Variants in ASIC2 observed in about 807,000 individuals in gnomAD.
ASIC2 encodes acid-sensing ion channel 2.
ASIC2 carries 25 observed loss-of-function variants against 57.3 expected under a neutral mutation model. The observed-to-expected ratio is 0.44, with a 90% CI of 0.32 to 0.61. The LOEUF is 0.61. Ranked by LOEUF, ASIC2 falls within the 20% of genes least tolerant of loss-of-function variation. ASIC2 has a pLI of 0.06. For synonymous variants in ASIC2, 319 were observed against 307.5 expected, an observed-to-expected ratio of 1.04 and a Z score of -0.39; for missense variants, 641 against 738.1, an observed-to-expected ratio of 0.87 and a Z score of 1.52.
At chr17:33,423,609 C>G (rs916979344) in intron 1 of ASIC2, among the ~76,000 whole-genome samples, 5 of 152,216 alleles carry the variant, frequency 3.3e-5, no homozygotes, top group African/African-American at 1.2e-4. Flanking sequence ...TTAGCCCCTA[C>G]TCTACTGTGA....
intron 1 of ASIC2, among the ~76,000 whole-genome samples, chr17:33,876,070 G>T (rs1034718040): frequency 1.3e-5 from 2 of 152,170 alleles, no homozygotes; most frequent in African/African-American, 4.8e-5. Flanking sequence ...CAAAGTACTT[G>T]GGATCGAGAT....
intron 1 of ASIC2, among the ~76,000 whole-genome samples, chr17:33,521,672 G>A (rs1458260626): frequency 6.6e-6 from 1 of 152,176 alleles, no homozygotes; most frequent in Non-Finnish European, 1.5e-5. Flanking sequence ...TCTACAGTGC[G>A]GGTGGATTTG....
At chr17:33,956,238 AAG>A (rs1438256564) in intron 1 of ASIC2, among the ~76,000 whole-genome samples, 4 of 152,218 alleles carry the variant, frequency 2.6e-5, no homozygotes, top group African/African-American at 9.6e-5. Flanking sequence ...GCTCTTGAAG[AAG>A]AGTTTCCACC....
intron 1 of ASIC2, among the ~76,000 whole-genome samples, chr17:34,108,270 T>C (rs749606580): frequency 5.5e-4 from 83 of 152,154 alleles, no homozygotes; most frequent in Non-Finnish European, 1.1e-3. Context: ...CCACAATAAA[T>C]ATCCTGTTCA....
intron 1 of ASIC2, among the ~76,000 whole-genome samples, chr17:33,633,768 G>A (rs1906253967): frequency 1.3e-5 from 2 of 152,196 alleles, no homozygotes; most frequent in South Asian, 4.1e-4. Flanking sequence ...AGGCAGGAAA[G>A]GGTCGGTGGC....
intron 1 of ASIC2, among the ~76,000 whole-genome samples, chr17:34,099,269 AAG>A (rs1170003367): frequency 1.4e-5 from 2 of 148,034 alleles, no homozygotes; most frequent in South Asian, 2.1e-4. Context: ...AAAAGAAAGA[AAG>A]AGGAAAGAAA....
At chr17:33,113,230 C>T (rs796625800) in intron 1 of ASIC2, among the ~76,000 whole-genome samples, 9 of 152,318 alleles carry the variant, frequency 5.9e-5, no homozygotes, top group Middle Eastern at 3.4e-3. Flanking sequence ...AATAAAACCT[C>T]GCAGCCTCAA....
At chr17:33,779,267 C>A (rs1451771380) in intron 1 of ASIC2, among the ~76,000 whole-genome samples, 1 of 152,120 alleles carries the variant, frequency 6.6e-6, no homozygotes, top group African/African-American at 2.4e-5. Flanking sequence ...ATTAACTCTG[C>A]CTGGGGTGCA....
intron 1 of ASIC2, among the ~76,000 whole-genome samples, chr17:33,496,101 C>T (rs1020821095): frequency 1.3e-5 from 2 of 152,106 alleles, no homozygotes; most frequent in Admixed American, 6.5e-5. Context: ...GCCACCTGAT[C>T]GGCTTTATAA....
chr17:33,056,829 G>A (rs934532903), intron 3 of ASIC2, among the ~76,000 whole-genome samples: 1 of 152,174 alleles, frequency 6.6e-6, no homozygotes, highest in South Asian at 2.1e-4. Flanking sequence ...AGCCACCCAG[G>A]GTTTCCTTCT....
intron 1 of ASIC2, among the ~76,000 whole-genome samples, chr17:33,695,309 G>A (rs987663991): frequency 1.2e-4 from 19 of 152,092 alleles, no homozygotes; most frequent in Non-Finnish European, 2.9e-5. Context: ...AAATATGGTG[G>A]TACATCCAGA....
chr17:33,215,863 CT>C (rs1907462204), intron 1 of ASIC2, among the ~76,000 whole-genome samples: 1 of 152,130 alleles, frequency 6.6e-6, no homozygotes, highest in Admixed American at 6.5e-5. Flanking sequence ...CCTCGCCTGG[CT>C]AATTTTTTGT....
chr17:33,749,419 G>A (rs772276283), intron 1 of ASIC2, among the ~76,000 whole-genome samples: 1 of 152,014 alleles, frequency 6.6e-6, no homozygotes, highest in African/African-American at 2.4e-5. Flanking sequence ...TCCTCGGACC[G>A]TGTGGGAGGG....
At chr17:33,062,225 G>A (rs997566546) in intron 3 of ASIC2, among the ~76,000 whole-genome samples, 11 of 152,048 alleles carry the variant, frequency 7.2e-5, no homozygotes, top group African/African-American at 2.7e-4. Context: ...GTTTGCTCTT[G>A]CTTCTCTAGT....
intron 1 of ASIC2, among the ~76,000 whole-genome samples, chr17:33,522,943 C>A (rs1914785888): frequency 6.6e-6 from 1 of 152,124 alleles, no homozygotes; most frequent in African/African-American, 2.4e-5. Context: ...ACCCCACCCA[C>A]CGCAAGCCCA....
At chr17:33,906,011 ATTT>A (rs72050716) in intron 1 of ASIC2, among the ~76,000 whole-genome samples, 6 of 132,558 alleles carry the variant, frequency 4.5e-5, no homozygotes, top group East Asian at 2.2e-4. Context: ...TTTTAATTAA[ATTT>A]TTTTTTTTTT....
intron 1 of ASIC2, among the ~76,000 whole-genome samples, chr17:33,566,799 C>T (rs1433037666): frequency 1.3e-5 from 2 of 152,106 alleles, no homozygotes; most frequent in Non-Finnish European, 2.9e-5. Context: ...GCATGACACA[C>T]AGGGCCCTCC....
intron 1 of ASIC2, among the ~76,000 whole-genome samples, chr17:33,567,756 T>C (rs970563761): frequency 5.9e-5 from 9 of 152,086 alleles, no homozygotes; most frequent in African/African-American, 2.2e-4. Flanking sequence ...GGAGTGAGTT[T>C]GGAGGTAGAG....
intron 1 of ASIC2, among the ~76,000 whole-genome samples, chr17:33,916,135 C>G (rs1915579021): frequency 1.3e-5 from 2 of 152,154 alleles, no homozygotes; most frequent in Admixed American, 1.3e-4. Context: ...TAACCAGTTC[C>G]TTTTTCACTC....
Sources: gnomAD v4.1 joint callset for allele counts (sites outside exome capture counted in the v4.1 genomes callset) on GRCh38, gnomAD v4.1.1 for gene constraint, MANE v1.5 for transcripts, NCBI Gene and HGNC (gene_info 2026-07-23, HGNC 2026-07-21) for gene names.